Variants in ANTXR2 observed in about 807,000 individuals in gnomAD.
ANTXR2 encodes the protein ANTXR cell adhesion molecule 2, also known as anthrax toxin receptor 2.
In ANTXR2, 44 loss-of-function variants were observed where a neutral mutation model predicts 73.7. That is an observed-to-expected ratio of 0.60 (90% confidence interval 0.47 to 0.77). The LOEUF is 0.77. ANTXR2 is among the 30% of genes least tolerant of loss of function. The pLI is 0.00. For missense variants in ANTXR2, 604 were observed against 592.5 expected, an observed-to-expected ratio of 1.02 and a Z score of -0.20; for synonymous variants, 217 against 205.9, an observed-to-expected ratio of 1.05 and a Z score of -0.46.
Position 80,036,052 on chromosome 4 carries a change from A to AAG in ANTXR2, c.637-22_637-21dup. 6.8e-7 allele frequency: 1 copy of AAG among 1,480,632 alleles called. No individual in the cohort carries two copies. The highest frequency in any genetic ancestry group is 9.0e-7 in the Non-Finnish European group (1 of 1,113,062). The allele number at this position is 1,480,632 out of a possible 1,614,324, so 91.7% of individuals were successfully genotyped here. A position where few individuals can be genotyped will look rare whatever the true frequency, so the allele number is the denominator to read the frequency against. Reference sequence around the variant, plus strand: ...TAGTATCTAAAAAAGAAAAAAAAAAAAGATTACCAAGCTATAGATCTAAAA... The same window carrying AAG: ...TAGTATCTAAAAAAGAAAAAAAAAAAAGAGATTACCAAGCTATAGATCTAAAA... On this transcript the variant is annotated intron_variant, in intron 7 of 16. Coordinates refer to ENST00000403729, the MANE Select transcript of ANTXR2 (RefSeq NM_058172.6).
chr4:79,933,525 G>A (rs934339844), intron 16 of ANTXR2, among the ~76,000 whole-genome samples: 3 of 151,708 alleles, frequency 2.0e-5, no homozygotes, highest in African/African-American at 7.3e-5. Context: ...ATATTGGTTT[G>A]GTTTTTGTTT....
intron 16 of ANTXR2, among the ~76,000 whole-genome samples, chr4:79,946,851 A>G (rs1728534948): frequency 1.4e-4 from 21 of 152,198 alleles, no homozygotes; most frequent in Admixed American, 1.4e-3. Context: ...AGAAAAATAT[A>G]TACCATACAG....
chr4:80,063,380 T>C (rs964604448), intron 3 of ANTXR2, among the ~76,000 whole-genome samples: 1 of 152,224 alleles, frequency 6.6e-6, no homozygotes, highest in African/African-American at 2.4e-5. Flanking sequence ...ATGCTTCTTG[T>C]TTCCAACCTC....
chr4:79,976,093 T>C (rs193089166), intron 16 of ANTXR2, among the ~76,000 whole-genome samples: 94 of 152,122 alleles, frequency 6.2e-4, no homozygotes, highest in African/African-American at 2.1e-3. Context: ...TTTTTATTTT[T>C]AGTAGAGACG....
chr4:79,963,554 T>C (rs1455663942), intron 16 of ANTXR2, among the ~76,000 whole-genome samples: 1 of 152,162 alleles, frequency 6.6e-6, no homozygotes, highest in South Asian at 2.1e-4. Flanking sequence ...CATAAAAACT[T>C]TGCTACATAC....
At chr4:79,927,235 C>A (rs1044082773) in intron 16 of ANTXR2, among the ~76,000 whole-genome samples, 1 of 151,396 alleles carries the variant, frequency 6.6e-6, no homozygotes, top group African/African-American at 2.4e-5. Context: ...AAAAGAGTTA[C>A]AAAAATACTG....
chr4:79,979,373 T>C (rs1411827293), intron 14 of ANTXR2, among the ~76,000 whole-genome samples: 1 of 151,726 alleles, frequency 6.6e-6, no homozygotes, highest in African/African-American at 2.4e-5. Flanking sequence ...GGGCACACTA[T>C]GACACATCAG....
intron 16 of ANTXR2, among the ~76,000 whole-genome samples, chr4:79,911,983 T>G (rs879720261): frequency 6.6e-6 from 1 of 151,908 alleles, no homozygotes; most frequent in Non-Finnish European, 1.5e-5. Context: ...AATAACAACA[T>G]TTAGTTAATA....
intron 16 of ANTXR2, among the ~76,000 whole-genome samples, chr4:79,967,247 A>G (rs1729408306): frequency 1.7e-5 from 1 of 59,196 alleles, no homozygotes. Context: ...ACTATATCCC[A>G]CACCTGGCTC....
Position 79,919,908 on chromosome 4 carries a change from TATATATATATATAA to T in ANTXR2, c.1429-12455_1429-12442del, listed in dbSNP as rs1454025502. ...ATATATATATATATATATATATATATATATATATATATAAAAAATGATAGGGCAGACAAGTAATT... is the reference window on the plus strand; with the variant it reads ...ATATATATATATATATATATATATATAAAATGATAGGGCAGACAAGTAATT... On this transcript the variant is annotated intron_variant, in intron 16 of 16. Transcript: ENST00000403729. Among the ~76,000 whole-genome samples the T allele has an allele frequency of 4.9e-3, 86 of 17,566 alleles. 7 individuals carry two copies. The highest frequency in any genetic ancestry group is 0.012 in the Admixed American group (23 of 1,972). 11.5% of individuals were successfully genotyped at this position (17,566 alleles called of 152,430 possible). A position where few individuals can be genotyped will look rare whatever the true frequency, so the allele number is the denominator to read the frequency against.
rs1413067009 is a variant in ANTXR2 at position 79,905,961 on chromosome 4, C to A, written c.*1468G>T. On this transcript the variant is annotated 3_prime_UTR_variant, in exon 17 of 17. Transcript: ENST00000403729. ...CTCACAGAGAGACATCCCACTGACC[C>A]AGCCACTGGTCATTGTCTATACCAG... 1 of 152,556 alleles carries A rather than the reference C, an allele frequency of 6.6e-6. No individual in the cohort carries two copies. The highest frequency in any genetic ancestry group is 1.9e-4 in the East Asian group (1 of 5,186). 9.5% of individuals were successfully genotyped at this position (152,556 alleles called of 1,614,324 possible).
intron 12 of ANTXR2, among the ~76,000 whole-genome samples, chr4:79,988,908 G>A (rs1194285224): frequency 6.6e-6 from 1 of 152,026 alleles, no homozygotes; most frequent in East Asian, 1.9e-4. Context: ...CAGGCAAAGA[G>A]TGAAATTAAG....
chr4:79,997,094 A>T (rs1196465826), intron 12 of ANTXR2, among the ~76,000 whole-genome samples: 3 of 151,942 alleles, frequency 2.0e-5, no homozygotes, highest in African/African-American at 7.2e-5. Flanking sequence ...GCTTCAGGCA[A>T]CAGTCCTTTT....
intron 16 of ANTXR2, among the ~76,000 whole-genome samples, chr4:79,977,247 C>T (rs1321004149): frequency 6.6e-6 from 1 of 152,178 alleles, no homozygotes; most frequent in Admixed American, 6.5e-5. Context: ...GAGGCCTTTG[C>T]CCTAGGCCTT....
chr4:80,046,210 CTT>C (rs1000225508), intron 7 of ANTXR2, among the ~76,000 whole-genome samples: 6 of 151,604 alleles, frequency 4.0e-5, no homozygotes, highest in Admixed American at 1.3e-4. Context: ...TATAATAAAT[CTT>C]TTTTAAAACT....
chr4:79,985,011 T>A, intron 12 of ANTXR2, 148 bp from the exon 13 acceptor site: 2 of 678,520 alleles, frequency 2.9e-6, no homozygotes, highest in Non-Finnish European at 5.1e-6. Flanking sequence ...TGCCCCTCTC[T>A]TTGAATCTTG....
At position 79,949,881 on chromosome 4, in the gene ANTXR2, C is replaced by T. The variant is rs118095438; in HGVS notation, c.1428+27740G>A. ...ATTTCATTCTTGCAAATGTTTGCTG[C>T]AAATACATCAGTTTACAAATACTAT... On this transcript the variant is annotated intron_variant, in intron 16 of 16. Coordinates refer to ENST00000403729, the MANE Select transcript of ANTXR2 (RefSeq NM_058172.6). Among the ~76,000 whole-genome samples the T allele has an allele frequency of 1.8e-3, 270 of 152,170 alleles. 9 individuals are homozygous for T. In the East Asian group the frequency reaches 0.041, roughly 23 times the overall value.
At chr4:80,007,795 T>C (rs977910265) in intron 12 of ANTXR2, among the ~76,000 whole-genome samples, 1 of 152,156 alleles carries the variant, frequency 6.6e-6, no homozygotes, top group African/African-American at 2.4e-5. Context: ...CCTTAGAGCA[T>C]TCAGAAAGAA....
At chr4:80,053,458 T>C (rs1348337533) in intron 7 of ANTXR2, among the ~76,000 whole-genome samples, 1 of 151,730 alleles carries the variant, frequency 6.6e-6, no homozygotes, top group Admixed American at 6.6e-5. Flanking sequence ...CAACATGATC[T>C]TTAAAGAGAA....
Sources: allele counts gnomAD v4.1 joint callset (sites outside exome capture counted in the v4.1 genomes callset), GRCh38; gene constraint gnomAD v4.1.1; transcripts MANE v1.5; gene names NCBI Gene and HGNC (gene_info 2026-07-23, HGNC 2026-07-21).